Variants in FHIP1A observed in about 807,000 individuals in gnomAD.
FHIP1A encodes the protein FHF complex subunit HOOK interacting protein 1A.
FHIP1A carries 61 observed loss-of-function variants against 88.6 expected under a neutral mutation model. The ratio of observed to expected loss-of-function variants is 0.69; its 90% CI spans 0.56 to 0.85. FHIP1A has a LOEUF of 0.85. FHIP1A is among the 40% of genes least tolerant of loss of function. The pLI is 0.00. For synonymous variants in FHIP1A, 478 were observed against 496.0 expected (o/e 0.96, Z 0.48); for missense variants, 1,154 against 1,273.5 (o/e 0.91, Z 1.43).
At chr4:151,490,341 C>A (rs551367962) in intron 3 of FHIP1A, among the ~76,000 whole-genome samples, 1 of 152,186 alleles carries the variant, frequency 6.6e-6, no homozygotes, top group Non-Finnish European at 1.5e-5. Context: ...GGACTCTTTG[C>A]AGACATTCCC....
intron 1 of FHIP1A, among the ~76,000 whole-genome samples, chr4:151,416,634 A>G (rs1191014330): frequency 6.6e-6 from 1 of 152,174 alleles, no homozygotes; most frequent in African/African-American, 2.4e-5. Flanking sequence ...TGATGTCTCC[A>G]TATTTATTTA....
chr4:151,595,795 CTT>C (rs199555798), intron 7 of FHIP1A, among the ~76,000 whole-genome samples: 2,325 of 152,238 alleles, frequency 0.015, 26 homozygotes, highest in Non-Finnish European at 0.026. Context: ...TTCTTTGTCT[CTT>C]TTGATCTTTG....
At chr4:151,645,387 T>C (rs1480991029) in intron 9 of FHIP1A, among the ~76,000 whole-genome samples, 3 of 152,268 alleles carry the variant, frequency 2.0e-5, no homozygotes, top group South Asian at 2.1e-4. Flanking sequence ...CTCTGGCTCT[T>C]GCAGTGGATC....
chr4:151,549,108 G>T lies in FHIP1A; in HGVS notation c.-122-17030G>T, dbSNP rs1279332790. ...CAGGTGTATGAGCCAGAGTGGCGGG[G>T]TGAGTAGTTTGGCAGGAAGGACAGT... On this transcript the variant is annotated intron_variant, in intron 3 of 13. Coordinates refer to ENST00000435205, the MANE Select transcript of FHIP1A (RefSeq NM_001109977.3). Among the ~76,000 whole-genome samples the T allele has an allele frequency of 3.3e-5, 5 of 152,266 alleles. No homozygotes were observed. In the East Asian group the frequency reaches 9.7e-4, roughly 29 times the overall value.
chr4:151,649,710 CAA>C lies in FHIP1A; in HGVS notation c.1670_1671del (p.Gln557ProfsTer24). ...CTGCCCTGTGTTCGGGCTCCCGCAA[CAA>C]CTCCCCAGGAAGACAGGACCTCAGC... ...SACPVFGLPQ[Q>X]LPRKTGPQLA... On this transcript the variant is annotated frameshift_variant, in exon 11 of 14. Coordinates refer to ENST00000435205, the MANE Select transcript of FHIP1A (RefSeq NM_001109977.3). LOFTEE classifies it high-confidence loss of function. The C allele has an allele frequency of 1.9e-6, 3 of 1,551,574 alleles. No individual in the cohort carries two copies. Among genetic ancestry groups the C allele is most frequent in the Non-Finnish European group, 2.6e-6 (3 of 1,146,952 alleles).
intron 7 of FHIP1A, among the ~76,000 whole-genome samples, chr4:151,599,492 A>G (rs1734779177): frequency 1.3e-5 from 2 of 152,198 alleles, no homozygotes; most frequent in Admixed American, 6.5e-5. Context: ...TTCAGACTGC[A>G]ACACCAATCT....
intron 1 of FHIP1A, among the ~76,000 whole-genome samples, chr4:151,418,371 G>T (rs115006655): frequency 9.9e-5 from 15 of 152,146 alleles, no homozygotes; most frequent in East Asian, 1.9e-4. Context: ...TTAGGACCTT[G>T]CATGTCCTAT....
chr4:151,565,473 G>A (rs1733351215), intron 3 of FHIP1A, among the ~76,000 whole-genome samples: 1 of 151,936 alleles, frequency 6.6e-6, no homozygotes, highest in African/African-American at 2.4e-5. Context: ...ATTTGTCAAG[G>A]TTACTTGGAA....
intron 3 of FHIP1A, among the ~76,000 whole-genome samples, chr4:151,519,428 A>G (rs1318397100): frequency 1.3e-5 from 2 of 150,862 alleles, no homozygotes; most frequent in African/African-American, 4.9e-5. Context: ...CTTTTTTTTT[A>G]TTGCTGAGTA....
chr4:151,526,655 C>T (rs965778473), intron 3 of FHIP1A, among the ~76,000 whole-genome samples: 32 of 149,148 alleles, frequency 2.1e-4, no homozygotes, highest in African/African-American at 6.9e-4. Flanking sequence ...GCTGGCCGGG[C>T]GGGGGGCTGA....
intron 1 of FHIP1A, among the ~76,000 whole-genome samples, chr4:151,454,297 G>A (rs373953904): frequency 1.2e-4 from 19 of 152,320 alleles, no homozygotes; most frequent in African/African-American, 4.6e-4. Context: ...AGCCATTGGA[G>A]TTATTGGTGT....
At chr4:151,547,743 G>T (rs1453434520) in intron 3 of FHIP1A, among the ~76,000 whole-genome samples, 5 of 151,992 alleles carry the variant, frequency 3.3e-5, no homozygotes, top group Admixed American at 6.6e-5. Flanking sequence ...GCGAAACGCT[G>T]TCTCTACCAA....
At chr4:151,612,714 T>G (rs1735372368) in intron 7 of FHIP1A, among the ~76,000 whole-genome samples, 1 of 152,194 alleles carries the variant, frequency 6.6e-6, no homozygotes, top group Non-Finnish European at 1.5e-5. Context: ...CCTTTCCTCC[T>G]GTTAAGTCTG....
chr4:151,594,697 C>T (rs893973504), intron 7 of FHIP1A, among the ~76,000 whole-genome samples: 10 of 151,926 alleles, frequency 6.6e-5, no homozygotes, highest in Admixed American at 1.3e-4. Context: ...TCTCAGCCTC[C>T]GGAGTAGTTG....
At chr4:151,423,407 GCT>G (rs1412353082) in intron 1 of FHIP1A, among the ~76,000 whole-genome samples, 2 of 152,110 alleles carry the variant, frequency 1.3e-5, no homozygotes, top group African/African-American at 4.8e-5. Context: ...GATCAATTAT[GCT>G]CTCAAATTAA....
intron 3 of FHIP1A, among the ~76,000 whole-genome samples, chr4:151,511,332 G>A (rs1213925153): frequency 2.6e-5 from 4 of 152,150 alleles, no homozygotes; most frequent in Non-Finnish European, 5.9e-5. Flanking sequence ...GAACCGCTCC[G>A]GTCTACAGCT....
intron 7 of FHIP1A, among the ~76,000 whole-genome samples, chr4:151,598,376 G>A (rs1031328709): frequency 2.0e-5 from 3 of 152,198 alleles, no homozygotes; most frequent in African/African-American, 7.2e-5. Flanking sequence ...TGTCTAACCA[G>A]TCCCAATGAG....
chr4:151,413,358 G>T (rs549053442), intron 1 of FHIP1A, among the ~76,000 whole-genome samples: 3 of 152,174 alleles, frequency 2.0e-5, no homozygotes, highest in Admixed American at 2.0e-4. Context: ...TGAAACTCAG[G>T]GGTGAGGAGG....
chr4:151,415,664 CT>C (rs1332620930), intron 1 of FHIP1A, among the ~76,000 whole-genome samples: 1 of 152,018 alleles, frequency 6.6e-6, no homozygotes, highest in East Asian at 1.9e-4. Flanking sequence ...TACATTTCCT[CT>C]AGTAGTGTCC....
Sources: gnomAD v4.1 joint callset for allele counts (sites outside exome capture counted in the v4.1 genomes callset) on GRCh38, gnomAD v4.1.1 for gene constraint, MANE v1.5 for transcripts, NCBI Gene and HGNC (gene_info 2026-07-23, HGNC 2026-07-21) for gene names.